SPATA6L: variants seen among roughly 807,000 people sequenced by gnomAD.
The protein encoded by SPATA6L is spermatogenesis associated 6-like protein.
SPATA6L carries 68 observed loss-of-function variants against 49.2 expected under a neutral mutation model. The ratio of observed to expected loss-of-function variants is 1.38; its 90% confidence interval spans 1.14 to 1.69. The LOEUF (loss-of-function observed/expected upper bound fraction) is 1.69, where lower values mean the gene tolerates loss of function less well. Among genes scored for constraint, SPATA6L ranks in the 40% most tolerant of loss-of-function variants. The probability of loss-of-function intolerance (pLI) is 0.00; values close to 1 mark genes in which losing one functional copy is unlikely to be tolerated. For missense variants in SPATA6L, 668 were observed against 464.3 expected, an observed-to-expected ratio of 1.44 and a Z score of -4.03; for synonymous variants, 198 against 165.7, an observed-to-expected ratio of 1.19 and a Z score of -1.50.
At chr9:4,590,936 GCAT>G (rs1821864963) in intron 13 of SPATA6L, among the ~76,000 whole-genome samples, 1 of 152,254 alleles carries the variant, frequency 6.6e-6, no homozygotes, top group South Asian at 2.1e-4. Context: ...GCACAATGTC[GCAT>G]CATCTTCTTT....
rs189199639 is a variant in SPATA6L at position 4,661,757 on chromosome 9, C to G, written c.177+142G>C. The G allele has an allele frequency of 5.5e-6, 6 of 1,096,880 alleles. No homozygotes were observed. In the East Asian group the frequency reaches 1.3e-4, roughly 24 times the overall value. 67.9% of individuals were successfully genotyped at this position (1,096,880 alleles called of 1,614,324 possible). On this transcript the variant is annotated intron_variant, in intron 2 of 11. Coordinates refer to ENST00000682582, the MANE Select transcript of SPATA6L (RefSeq NM_001353486.2). ...ATTACAAAAGCAAGTGTTCCGACTG[C>G]GGTTTTGCATTGTGCTGAAGTGCTT...
At chr9:4,629,769 G>GTGTATTTATATATATA (rs1311805859) in intron 4 of SPATA6L, among the ~76,000 whole-genome samples, 1 of 101,936 alleles carries the variant, frequency 9.8e-6, no homozygotes. Flanking sequence ...GTGTGTGTGT[G>GTGTATTTATATATATA]TATATATATA....
chr9:4,659,498 T>C (rs901375310), intron 2 of SPATA6L, among the ~76,000 whole-genome samples: 24 of 151,480 alleles, frequency 1.6e-4, no homozygotes, highest in Non-Finnish European at 3.1e-4. Context: ...CAAGGAGAAC[T>C]ACAAACCACT....
chr9:4,650,657 AT>A (rs576649541), intron 3 of SPATA6L, among the ~76,000 whole-genome samples: 1 of 152,116 alleles, frequency 6.6e-6, no homozygotes, highest in Non-Finnish European at 1.5e-5. Flanking sequence ...TACAGAAATA[AT>A]TTTTTGTTTG....
At chr9:4,625,744 T>G in intron 5 of SPATA6L, 178 bp from the exon 6 acceptor site, 1 of 450,846 alleles carries the variant, frequency 2.2e-6, no homozygotes. Flanking sequence ...CTGTTCAGTT[T>G]AACATCAGTA....
At chr9:4,624,424 T>C (rs779730637) in intron 6 of SPATA6L, among the ~76,000 whole-genome samples, 3 of 152,158 alleles carry the variant, frequency 2.0e-5, no homozygotes, top group Non-Finnish European at 4.4e-5. Flanking sequence ...TTCCATTACT[T>C]TTATAGTAGC....
In SPATA6L at chr9:4,605,431, AG is replaced by A. The variant is rs534834494; in HGVS notation, c.1004del (p.Pro335LeufsTer18). On this transcript the variant is annotated frameshift_variant, in exon 10 of 12. Coordinates refer to ENST00000682582, the MANE Select transcript of SPATA6L (RefSeq NM_001353486.2). LOFTEE classifies it high-confidence loss of function. Reference protein sequence around the residue: ...DQPLLRERFHPGSQSTWKNIH... With the variant: ...DQPLLRERFHXGSQSTWKNIH... ...TATTCTTCCATGTGGACTGAGAACC[AG>A]GATGGAACCTGCTCAACAGATGGAA... 2.2e-5 allele frequency: 35 copies of A among 1,613,826 alleles called. No individual in the cohort carries two copies. The African/African-American group carries it at 4.1e-4, about 19-fold the overall frequency.
chr9:4,618,890 G>C lies in SPATA6L; in HGVS notation c.781C>G (p.Leu261Val). ...FPFPTRRASS[L>V]DSLAANVKVI... is the part of the protein sequence containing the mutation. ...TTTACGTTAGCTGCAAGGCTGTCAAGAGAAGAAGCTAGAAGAAAGAGGAAC... is the reference window on the plus strand; with the variant it reads ...TTTACGTTAGCTGCAAGGCTGTCAACAGAAGAAGCTAGAAGAAAGAGGAAC... Residue 261 changes from leucine to valine, a missense_variant, in exon 8 of 12, where the codon CTT (leucine) becomes GTT (valine). Transcript: ENST00000682582. The C allele has an allele frequency of 6.2e-7, 1 of 1,613,282 alleles. No individual in the cohort carries two copies. The highest frequency in any genetic ancestry group is 8.5e-7 in the Non-Finnish European group (1 of 1,179,476).
At chr9:4,626,456 G>T in intron 5 of SPATA6L, 1 of 1,304,412 alleles carries the variant, frequency 7.7e-7, no homozygotes. Context: ...ATCCAGGAAA[G>T]CAGCCCTTCT....
chr9:4,646,528 C>A (rs1316780202), intron 3 of SPATA6L: 5 of 1,492,106 alleles, frequency 3.4e-6, no homozygotes, highest in South Asian at 1.4e-5. Context: ...GGCTAGGAAG[C>A]CTAAAAAGGA....
chr9:4,635,420 G>A (rs1380010669), intron 3 of SPATA6L, 21 bp from the exon 4 acceptor site: 2 of 1,569,716 alleles, frequency 1.3e-6, no homozygotes, highest in Non-Finnish European at 1.7e-6. Flanking sequence ...AATAGAAAAA[G>A]CATAAATATC....
chr9:4,662,197 C>G lies in SPATA6L; in HGVS notation c.40-161G>C. 1 of 1,440,524 alleles carries G rather than the reference C, an allele frequency of 6.9e-7. No homozygotes were observed. The highest frequency in any genetic ancestry group is 1.5e-5 in the South Asian group (1 of 67,906). The allele number at this position is 1,440,524 out of a possible 1,614,324, so 89.2% of individuals were successfully genotyped here. The stretch of plus-strand genomic sequence containing the variant: ...CCCAACGCCAACATCCTCCCCTCTG[C>G]TCTCCTCACATTGGAAATTCCAACT... On this transcript the variant is annotated intron_variant, in intron 1 of 11. Transcript: ENST00000682582. This position sits in a 1 kb window ranked among gnomAD's most constrained non-coding sequence, Gnocchi z 4.9.
At chr9:4,663,222 C>T in intron 1 of SPATA6L, 1 of 1,614,140 alleles carries the variant, frequency 6.2e-7, no homozygotes, top group African/African-American at 1.3e-5. Context: ...GCTCTCACCC[C>T]ATAATGCTCC....
At chr9:4,595,922 G>A (rs900460514), downstream of SPATA6L, among the ~76,000 whole-genome samples, 1 of 152,166 alleles carries the variant, frequency 6.6e-6, no homozygotes, top group African/African-American at 2.4e-5. Flanking sequence ...AGCTTTATGT[G>A]GGCCACAGAG....
At chr9:4,650,459 T>C (rs536791222) in intron 3 of SPATA6L, among the ~76,000 whole-genome samples, 2 of 151,808 alleles carry the variant, frequency 1.3e-5, no homozygotes, top group African/African-American at 4.8e-5. Context: ...AAGAAAATAA[T>C]AAAGATTAAG....
At chr9:4,612,460 C>T (rs372510719) in intron 9 of SPATA6L, among the ~76,000 whole-genome samples, 2 of 152,166 alleles carry the variant, frequency 1.3e-5, no homozygotes, top group East Asian at 3.8e-4. Flanking sequence ...CCCAGGGGCT[C>T]ACTACTCTTA....
rs978916666 is a variant in SPATA6L at position 4,618,033 on chromosome 9, C to G, written c.885G>C (p.Lys295Asn). The change falls in exon 9 of 12, where the codon AAG becomes AAC. Residue 295 changes from lysine (K) to asparagine (N), a missense_variant. Coordinates refer to ENST00000682582, the MANE Select transcript of SPATA6L (RefSeq NM_001353486.2). ...CATCCCCTTGTTTACTGGATGAAGA[C>G]TTTCCAAACTGACTTGAATCTAAAC... ...SSCLDSSQFGKSSSSKQGDAD... is the reference protein window; with the variant it reads ...SSCLDSSQFGNSSSSKQGDAD... The G allele has an allele frequency of 6.2e-7, 1 of 1,614,090 alleles. No homozygotes were observed. The highest frequency in any genetic ancestry group is 1.1e-5 in the South Asian group (1 of 91,066).
intron 4 of SPATA6L, chr9:4,633,561 TCTCGTTACTCCACATGTC>T (rs1425563762): frequency 2.6e-5 from 5 of 191,678 alleles, no homozygotes; most frequent in Non-Finnish European, 4.6e-5. Context: ...AGATTCAGTG[TCTCGTTACTCCACATGTC>T]CTGTAACACA....
intron 6 of SPATA6L, among the ~76,000 whole-genome samples, chr9:4,623,123 T>C (rs889176588): frequency 2.0e-5 from 3 of 151,896 alleles, no homozygotes; most frequent in Non-Finnish European, 4.4e-5. Flanking sequence ...CTACTAAAAA[T>C]ACAAAAATTA....
Sources: allele counts gnomAD v4.1 joint callset (sites outside exome capture counted in the v4.1 genomes callset), GRCh38; gene constraint gnomAD v4.1.1; non-coding constraint Gnocchi (gnomAD v3.1); transcripts MANE v1.5; gene names NCBI Gene and HGNC (gene_info 2026-07-23, HGNC 2026-07-21).